The following MAP2 variants were observed in gnomAD, a reference collection of about 807,000 sequenced individuals.
MAP2 encodes the protein microtubule-associated protein 2.
MAP2 carries 14 observed loss-of-function variants against 137.6 expected under a neutral mutation model. The observed-to-expected ratio is 0.10, with a 90% CI of 0.07 to 0.16. MAP2 has a LOEUF of 0.16. Ranked by LOEUF, MAP2 falls within the 10% of genes least tolerant of loss-of-function variation. The probability of loss-of-function intolerance (pLI) is 1.00; values close to 1 mark genes in which losing one functional copy is unlikely to be tolerated. For synonymous variants in MAP2, 786 were observed against 782.3 expected (o/e 1.00, Z -0.08); for missense variants, 2,088 against 2,191.5 (o/e 0.95, Z 0.94).
At chr2:209,672,956 T>C (rs950824132) in intron 5 of MAP2, among the ~76,000 whole-genome samples, 5 of 151,852 alleles carry the variant, frequency 3.3e-5, no homozygotes, top group African/African-American at 1.2e-4. Context: ...TTTCCACCAA[T>C]ATATTTCCTT....
chr2:209,607,039 T>A (rs544557709), intron 3 of MAP2, among the ~76,000 whole-genome samples: 5 of 152,162 alleles, frequency 3.3e-5, no homozygotes, highest in Non-Finnish European at 7.4e-5. Context: ...ATCTACCAGT[T>A]AGTATAATAA....
intron 3 of MAP2, among the ~76,000 whole-genome samples, chr2:209,588,313 TTTTTTG>T (rs1321767119): frequency 1.3e-5 from 2 of 151,036 alleles, no homozygotes; most frequent in Non-Finnish European, 3.0e-5. Context: ...GTAAGTTTTG[TTTTTTG>T]TTTTTGTTTT....
In MAP2 at chr2:209,694,397, G is replaced by A. The variant is rs747283189; in HGVS notation, c.2227G>A (p.Asp743Asn). The change falls in exon 8 of 16, where the codon GAT becomes AAT. Residue 743 changes from aspartate (D) to asparagine (N), a missense_variant. Coordinates refer to ENST00000682079, the MANE Select transcript of MAP2 (RefSeq NM_001375505.1). The part of the protein sequence containing the change: ...TNTSGSMDEG[D>N]DYLPATTPAL... ...CACTAGTGGAAGTATGGATGAAGGG[G>A]ATGATTACCTTCCAGCCACCACACC... 6 of 1,614,084 alleles carry A rather than the reference G, an allele frequency of 3.7e-6. No homozygotes were observed. The highest frequency in any genetic ancestry group is 1.7e-4 in the Middle Eastern group (1 of 6,060).
At position 209,652,557 on chromosome 2, in the gene MAP2, C is replaced by A. The variant is rs973963590; in HGVS notation, c.-29-585C>A. 2.6e-5 allele frequency among the ~76,000 whole-genome samples: 4 copies of A among 152,100 alleles called. No homozygotes were observed. The East Asian group carries it at 7.7e-4, about 29-fold the overall frequency. The stretch of plus-strand genomic sequence containing the variant: ...TTACATATCCAGAAAAGTGTATCTA[C>A]CTTCGGCTTTAATTGAACACCCTTG... On this transcript the variant is annotated intron_variant, in intron 4 of 15. Coordinates refer to ENST00000682079, the MANE Select transcript of MAP2 (RefSeq NM_001375505.1).
At chr2:209,533,345 C>G (rs1429913735) in intron 2 of MAP2, among the ~76,000 whole-genome samples, 1 of 151,954 alleles carries the variant, frequency 6.6e-6, no homozygotes, top group Non-Finnish European at 1.5e-5. Flanking sequence ...GGGTTTCACC[C>G]TGTTGGCCAG....
At chr2:209,671,438 G>A (rs1329093019) in intron 5 of MAP2, among the ~76,000 whole-genome samples, 1 of 151,838 alleles carries the variant, frequency 6.6e-6, no homozygotes, top group Non-Finnish European at 1.5e-5. Context: ...TTGTTTAGCA[G>A]AGTGCTTCAA....
chr2:209,687,313 T>C (rs932940170), intron 7 of MAP2, among the ~76,000 whole-genome samples: 1 of 151,846 alleles, frequency 6.6e-6, no homozygotes, highest in Admixed American at 6.6e-5. Flanking sequence ...ATAAACATAT[T>C]GATCTAAGCA....
At chr2:209,574,432 T>TACACAC (rs57166815) in intron 2 of MAP2, among the ~76,000 whole-genome samples, 36 of 148,786 alleles carry the variant, frequency 2.4e-4, no homozygotes, top group East Asian at 4.0e-4. Context: ...ATAGTATAGA[T>TACACAC]ACACACACAC....
intron 1 of MAP2, among the ~76,000 whole-genome samples, chr2:209,463,364 G>A (rs375842157): frequency 3.5e-4 from 53 of 152,274 alleles, no homozygotes; most frequent in African/African-American, 1.2e-3. Flanking sequence ...TCATGAAAGT[G>A]TTCCTTTGGA....
At chr2:209,499,036 T>C (rs2060078675) in intron 1 of MAP2, among the ~76,000 whole-genome samples, 1 of 152,218 alleles carries the variant, frequency 6.6e-6, no homozygotes, top group Non-Finnish European at 1.5e-5. Context: ...CTCTGCCACA[T>C]GGTTAGATGA....
intron 13 of MAP2, among the ~76,000 whole-genome samples, chr2:209,711,444 T>C (rs2065426421): frequency 6.6e-6 from 1 of 152,086 alleles, no homozygotes; most frequent in African/African-American, 2.4e-5. Context: ...TTAAGAAAAA[T>C]CAACCAATGG....
At chr2:209,527,359 C>A (rs892521866) in intron 2 of MAP2, among the ~76,000 whole-genome samples, 2 of 152,062 alleles carry the variant, frequency 1.3e-5, no homozygotes, top group African/African-American at 4.8e-5. Flanking sequence ...ACTGATGAGT[C>A]CCTAACATCT....
At chr2:209,530,338 A>G (rs940080074) in intron 2 of MAP2, among the ~76,000 whole-genome samples, 2 of 152,232 alleles carry the variant, frequency 1.3e-5, no homozygotes, top group Non-Finnish European at 2.9e-5. Context: ...ATTATTAAAA[A>G]TAAACATGTG....
intron 4 of MAP2, among the ~76,000 whole-genome samples, chr2:209,647,825 C>T (rs1053817963): frequency 4.0e-5 from 6 of 151,814 alleles, no homozygotes; most frequent in African/African-American, 1.2e-4. Flanking sequence ...TTTAAAAAAC[C>T]GAAGTTTTAG....
chr2:209,468,461 C>T (rs1704760137), intron 1 of MAP2, among the ~76,000 whole-genome samples: 1 of 151,360 alleles, frequency 6.6e-6, no homozygotes, highest in Non-Finnish European at 1.5e-5. Context: ...GCTGGGACTA[C>T]AGGCGCCCAC....
chr2:209,454,344 A>G (rs1160536447), intron 1 of MAP2, among the ~76,000 whole-genome samples: 4 of 152,046 alleles, frequency 2.6e-5, no homozygotes, highest in South Asian at 4.2e-4. Context: ...TACTGAATAT[A>G]TAAAGAGAGA....
intron 1 of MAP2, among the ~76,000 whole-genome samples, chr2:209,430,934 T>C (rs371611366): frequency 0.052 from 7,850 of 152,284 alleles, 307 homozygotes; most frequent in East Asian, 0.19. Context: ...TATCTCAGAC[T>C]AAAGTTTTGC....
intron 2 of MAP2, among the ~76,000 whole-genome samples, chr2:209,548,460 T>G (rs1173797485): frequency 6.6e-6 from 1 of 152,168 alleles, no homozygotes; most frequent in African/African-American, 2.4e-5. Context: ...TAGCAGAGCT[T>G]ATGCTCTTAG....
intron 1 of MAP2, among the ~76,000 whole-genome samples, chr2:209,463,276 A>G (rs1043204021): frequency 6.6e-6 from 1 of 152,152 alleles, no homozygotes; most frequent in Admixed American, 6.5e-5. Flanking sequence ...ATTTGTTCTG[A>G]TAAGTCATGC....
Sources: allele counts gnomAD v4.1 joint callset (sites outside exome capture counted in the v4.1 genomes callset), GRCh38; gene constraint gnomAD v4.1.1; transcripts MANE v1.5; gene names NCBI Gene and HGNC (gene_info 2026-07-23, HGNC 2026-07-21).